Variants in CLTCL1 observed in about 807,000 individuals in gnomAD.
CLTCL1 encodes the protein clathrin heavy chain 2.
Under a neutral mutation model 190.0 loss-of-function variants are expected in CLTCL1, and 159 were observed. The ratio of observed to expected loss-of-function variants is 0.84; its 90% CI spans 0.74 to 0.95. CLTCL1 has a LOEUF of 0.95. Ranked by LOEUF, CLTCL1 falls within the 40% of genes least tolerant of loss-of-function variation. The probability of loss-of-function intolerance (pLI) is 0.00; values close to 1 mark genes in which losing one functional copy is unlikely to be tolerated. For missense variants in CLTCL1, 1,878 were observed against 2,033.4 expected, an observed-to-expected ratio of 0.92 and a Z score of 1.47; for synonymous variants, 752 against 769.6, an observed-to-expected ratio of 0.98 and a Z score of 0.38.
chr22:19,248,500 G>A (rs2086490561), intron 3 of CLTCL1, among the ~76,000 whole-genome samples: 1 of 152,062 alleles, frequency 6.6e-6, no homozygotes, highest in African/African-American at 2.4e-5. Context: ...CTACAACATA[G>A]TTTTAGAACA....
intron 13 of CLTCL1, 80 bp from the exon 14 acceptor site, chr22:19,224,134 T>C (rs1323947708): frequency 6.8e-7 from 1 of 1,469,306 alleles, no homozygotes; most frequent in East Asian, 2.3e-5. Context: ...CTTCCCTCGA[T>C]GACCCTGCTC....
At chr22:19,199,650 G>A (rs1359928540) in intron 24 of CLTCL1, 84 bp downstream of exon 24, 1 of 986,890 alleles carries the variant, frequency 1.0e-6, no homozygotes, top group Non-Finnish European at 1.5e-6. Flanking sequence ...TGATGGTCAC[G>A]AGCTAAGGGG....
chr22:19,220,148 C>T, intron 17 of CLTCL1, 141 bp from the exon 18 acceptor site: 1 of 1,030,774 alleles, frequency 9.7e-7, no homozygotes, highest in Non-Finnish European at 1.5e-6. Flanking sequence ...TATGCTTTGA[C>T]ATGGGATGAG....
intron 1 of CLTCL1, among the ~76,000 whole-genome samples, chr22:19,284,941 CGA>C (rs1278768998): frequency 6.6e-6 from 1 of 151,404 alleles, no homozygotes; most frequent in Non-Finnish European, 1.5e-5. Context: ...GTGGACAGAG[CGA>C]GACTCTGTCT....
At chr22:19,232,857 G>A in intron 9 of CLTCL1, 1 of 566,286 alleles carries the variant, frequency 1.8e-6, no homozygotes, top group South Asian at 2.5e-5. Context: ...CAGCCTGCCA[G>A]TAAGCACACA....
chr22:19,263,979 C>G (rs1332150123), intron 2 of CLTCL1, among the ~76,000 whole-genome samples: 4 of 152,104 alleles, frequency 2.6e-5, no homozygotes, highest in Non-Finnish European at 5.9e-5. Context: ...TACAACTCAA[C>G]AACAAAAAAC....
intron 27 of CLTCL1, 97 bp from the exon 28 acceptor site, chr22:19,188,188 A>G (rs2084377004): frequency 9.2e-7 from 1 of 1,083,236 alleles, no homozygotes; most frequent in Non-Finnish European, 1.4e-6. Context: ...ATCCACTTGA[A>G]TGGTCCAGCT....
rs370370664 is a variant in CLTCL1, at chr22:19,255,693, G to A, written c.251-1466C>T. Among the ~76,000 whole-genome samples the A allele has an allele frequency of 4.2e-4, 63 of 150,176 alleles. 3 individuals are homozygous for A. Among genetic ancestry groups the A allele is most frequent in the African/African-American group, 1.2e-3 (50 of 40,844 alleles). On this transcript the variant is annotated intron_variant, in intron 2 of 32. Transcript: ENST00000427926. ...GGGAAGCTGAGGCAGGTAGATTACC[G>A]GAGGTCAGGAGTTCAAGAACAGCCT... is the stretch of plus-strand genomic sequence containing the variant.
chr22:19,275,481 C>T (rs2087469232), intron 2 of CLTCL1, 142 bp downstream of exon 2: 1 of 887,298 alleles, frequency 1.1e-6, no homozygotes, highest in South Asian at 1.7e-5. Context: ...CTAAACATAA[C>T]TTTTGCTAAA....
intron 3 of CLTCL1, among the ~76,000 whole-genome samples, chr22:19,243,454 C>CA (rs1306891592): frequency 6.6e-5 from 10 of 152,018 alleles, no homozygotes; most frequent in Middle Eastern, 3.4e-3. Context: ...GCCATCTCTA[C>CA]AAAAAAATAA....
chr22:19,216,186 G>C lies in CLTCL1; in HGVS notation c.2990C>G (p.Thr997Arg). Residue 997 changes from threonine to arginine, a missense_variant, in exon 19 of 33, where the codon ACA becomes AGA. Physicochemically the swap from Thr to Arg is moderately conservative, Grantham distance 71. Coordinates refer to ENST00000427926, the MANE Select transcript of CLTCL1 (RefSeq NM_007098.4). ...EISVTVKAFM[T>R]ADLPNELIEL... ...AATCAGTTCATTAGGCAGGTCGGCTGTCATAAAGGCTTTGACAGTGACCGA... is the reference window on the plus strand; with the variant it reads ...AATCAGTTCATTAGGCAGGTCGGCTCTCATAAAGGCTTTGACAGTGACCGA... 6.2e-7 allele frequency: 1 copy of C among 1,613,928 alleles called. No homozygotes were observed. The highest frequency in any genetic ancestry group is 8.5e-7 in the Non-Finnish European group (1 of 1,179,800).
At chr22:19,192,551 C>G (rs1230618009) in intron 26 of CLTCL1, among the ~76,000 whole-genome samples, 1 of 152,192 alleles carries the variant, frequency 6.6e-6, no homozygotes, top group Non-Finnish European at 1.5e-5. Context: ...ATGCTGGGAT[C>G]CCAGGGTGAT....
chr22:19,272,109 A>C (rs927599942), intron 2 of CLTCL1, among the ~76,000 whole-genome samples: 1 of 152,192 alleles, frequency 6.6e-6, no homozygotes, highest in Non-Finnish European at 1.5e-5. Flanking sequence ...ACCTGATCTT[A>C]AAACAAACAA....
rs186079808 is a variant in CLTCL1 at position 19,262,803 on chromosome 22, G to A, written c.251-8576C>T. The stretch of plus-strand genomic sequence containing the variant: ...CCCAGCACTTTGGGAGGCTGAGGCC[G>A]GCAGATCACTTGAGGTCAGGAGTTC... On this transcript the variant is annotated intron_variant, in intron 2 of 32. Transcript: ENST00000427926. Among the ~76,000 whole-genome samples, 142 of 152,018 alleles carry A rather than the reference G, an allele frequency of 9.3e-4. 2 individuals carry two copies. The East Asian group carries it at 0.024, about 25-fold the overall frequency.
At chr22:19,277,178 T>C (rs913282002) in intron 1 of CLTCL1, among the ~76,000 whole-genome samples, 1 of 152,166 alleles carries the variant, frequency 6.6e-6, no homozygotes, top group Non-Finnish European at 1.5e-5. Context: ...GACGGTGCCT[T>C]GTTTGTCTTT....
intron 29 of CLTCL1, chr22:19,183,981 C>A: frequency 5.9e-6 from 2 of 340,708 alleles, no homozygotes; most frequent in Non-Finnish European, 1.1e-5. Flanking sequence ...CGTGTGACAC[C>A]AGGGGAGCAG....
intron 27 of CLTCL1, among the ~76,000 whole-genome samples, chr22:19,190,146 G>A (rs1290772737): frequency 6.6e-6 from 1 of 152,096 alleles, no homozygotes; most frequent in Non-Finnish European, 1.5e-5. Context: ...TCACCATGTT[G>A]GCCAGGCTAG....
chr22:19,229,733 C>G, intron 11 of CLTCL1, 105 bp downstream of exon 11: 1 of 1,150,534 alleles, frequency 8.7e-7, no homozygotes, highest in Non-Finnish European at 1.2e-6. Context: ...AGATAAACAT[C>G]TGGCACAAGC....
At chr22:19,185,419 T>G (rs1165696493) in intron 29 of CLTCL1, among the ~76,000 whole-genome samples, 1 of 151,556 alleles carries the variant, frequency 6.6e-6, no homozygotes, top group African/African-American at 2.4e-5. Flanking sequence ...CTCTGCCTCC[T>G]GGGTTCACGC....
Sources: allele counts gnomAD v4.1 joint callset (sites outside exome capture counted in the v4.1 genomes callset), GRCh38; gene constraint gnomAD v4.1.1; transcripts MANE v1.5; gene names NCBI Gene and HGNC (gene_info 2026-07-23, HGNC 2026-07-21).